The following LRRC4C variants were observed in gnomAD, a reference collection of about 807,000 sequenced individuals.
LRRC4C encodes the protein leucine rich repeat containing 4C, also known as leucine-rich repeat-containing protein 4C.
LRRC4C carries 5 observed loss-of-function variants against 33.6 expected under a neutral mutation model. The observed-to-expected ratio is 0.15, with a 90% confidence interval of 0.08 to 0.31. The LOEUF (loss-of-function observed/expected upper bound fraction) is 0.31. Among genes scored for constraint, LRRC4C ranks in the 10% least tolerant of loss-of-function variants. LRRC4C has a pLI of 1.00. For synonymous variants in LRRC4C, 329 were observed against 302.0 expected (o/e 1.09, Z -0.93); for missense variants, 560 against 796.7 (o/e 0.70, Z 3.58).
In LRRC4C at chr11:40,602,200, A is replaced by G. The variant is rs1395517780; in HGVS notation, c.-270+45942T>C. 5.0e-5 allele frequency among the ~76,000 whole-genome samples: 6 copies of G among 121,078 alleles called. No homozygotes were observed. The East Asian group carries it at 1.2e-3, about 25-fold the overall frequency. 79.4% of individuals were successfully genotyped at this position (121,078 alleles called of 152,430 possible). The stretch of plus-strand genomic sequence containing the variant: ...CAGAGTGAGAATCTGTCTCAAAAAA[A>G]AAAAAAAAAAGAAAAAAAAAGAGGT... On this transcript the variant is annotated intron_variant, in intron 3 of 6. Coordinates refer to ENST00000528697, the MANE Select transcript of LRRC4C (RefSeq NM_001258419.2).
chr11:40,762,475 C>A (rs1262635447), intron 2 of LRRC4C, among the ~76,000 whole-genome samples: 1 of 152,018 alleles, frequency 6.6e-6, no homozygotes, highest in East Asian at 1.9e-4. Flanking sequence ...AGTGTGATAG[C>A]CATGATGTAA....
intron 1 of LRRC4C, among the ~76,000 whole-genome samples, chr11:41,334,355 A>G (rs552494832): frequency 2.0e-5 from 3 of 152,096 alleles, no homozygotes; most frequent in African/African-American, 7.2e-5. Flanking sequence ...TTTCATTCCC[A>G]CACTTGTTTC....
At chr11:40,200,846 C>A (rs995267433) in intron 5 of LRRC4C, among the ~76,000 whole-genome samples, 5 of 149,918 alleles carry the variant, frequency 3.3e-5, no homozygotes, top group Non-Finnish European at 7.4e-5. Context: ...TTTTGATAAG[C>A]CTGAATCAAC....
chr11:40,504,345 C>G (rs1382251351), intron 3 of LRRC4C, among the ~76,000 whole-genome samples: 1 of 151,980 alleles, frequency 6.6e-6, no homozygotes, highest in South Asian at 2.1e-4. Context: ...GTGAAGTATA[C>G]TATGGGGAGT....
chr11:41,334,181 C>T (rs1387781912), intron 1 of LRRC4C, among the ~76,000 whole-genome samples: 1 of 152,178 alleles, frequency 6.6e-6, no homozygotes, highest in East Asian at 1.9e-4. Context: ...TGTTTTTGCT[C>T]ATTTCATAGC....
chr11:41,355,014 T>A (rs1382555378), intron 1 of LRRC4C, among the ~76,000 whole-genome samples: 2 of 151,888 alleles, frequency 1.3e-5, no homozygotes, highest in African/African-American at 2.4e-5. Context: ...TAATTAAAGA[T>A]CTTCAGCTCA....
intron 1 of LRRC4C, among the ~76,000 whole-genome samples, chr11:41,109,029 T>C (rs1565391643): frequency 6.6e-6 from 1 of 152,096 alleles, no homozygotes; most frequent in African/African-American, 2.4e-5. Flanking sequence ...ATGTGACATT[T>C]TCCATTCTAT....
At chr11:40,237,596 AT>A (rs1385070774) in intron 5 of LRRC4C, among the ~76,000 whole-genome samples, 2 of 152,210 alleles carry the variant, frequency 1.3e-5, no homozygotes, top group Admixed American at 6.5e-5. Flanking sequence ...TAATTTCCTC[AT>A]TCCCTTTCTC....
At chr11:40,339,744 C>T (rs576165255) in intron 3 of LRRC4C, among the ~76,000 whole-genome samples, 4 of 151,994 alleles carry the variant, frequency 2.6e-5, no homozygotes, top group Non-Finnish European at 4.4e-5. Context: ...TAGTATTGAA[C>T]CTGTTTTAGG....
chr11:41,179,586 C>G (rs1945355703), intron 1 of LRRC4C, among the ~76,000 whole-genome samples: 1 of 152,204 alleles, frequency 6.6e-6, no homozygotes, highest in South Asian at 2.1e-4. Context: ...CTCACATTCA[C>G]CAAAATCTGA....
chr11:41,076,590 G>A (rs972035921), intron 1 of LRRC4C, among the ~76,000 whole-genome samples: 5 of 152,154 alleles, frequency 3.3e-5, no homozygotes, highest in Non-Finnish European at 7.3e-5. Context: ...GTATGATCCA[G>A]TCACTCCCTA....
rs144642859 is a variant in LRRC4C, at chr11:41,178,908, G to A, written c.-495-245185C>T. On this transcript the variant is annotated intron_variant, in intron 1 of 6. Coordinates refer to ENST00000528697, the MANE Select transcript of LRRC4C (RefSeq NM_001258419.2). ...AGTAGAGACAGGGTTTCACCATCTTGGCCAGGCTGGCCTTGAAATCCTGAC... is the reference window on the plus strand; with the variant it reads ...AGTAGAGACAGGGTTTCACCATCTTAGCCAGGCTGGCCTTGAAATCCTGAC... 7.0e-3 allele frequency among the ~76,000 whole-genome samples: 1,061 copies of A among 152,104 alleles called. 9 individuals carry two copies. Among genetic ancestry groups the A allele is most frequent in the African/African-American group, 0.024 (992 of 41,504 alleles).
chr11:40,944,588 C>CA (rs1290419199), intron 1 of LRRC4C, among the ~76,000 whole-genome samples: 1 of 152,172 alleles, frequency 6.6e-6, no homozygotes, highest in African/African-American at 2.4e-5. Context: ...GATTCAGTGA[C>CA]ATGGGTTCTT....
At chr11:41,282,323 G>A (rs1364712402) in intron 1 of LRRC4C, among the ~76,000 whole-genome samples, 1 of 152,216 alleles carries the variant, frequency 6.6e-6, no homozygotes, top group African/African-American at 2.4e-5. Flanking sequence ...AGTGAAGGCA[G>A]GCGATTGAGA....
At chr11:41,016,059 C>T (rs1228766477) in intron 1 of LRRC4C, among the ~76,000 whole-genome samples, 1 of 151,464 alleles carries the variant, frequency 6.6e-6, no homozygotes, top group Non-Finnish European at 1.5e-5. Flanking sequence ...CAAACTCAAT[C>T]TATATTTTCA....
At chr11:40,510,111 T>C (rs1016832684) in intron 3 of LRRC4C, among the ~76,000 whole-genome samples, 6 of 151,814 alleles carry the variant, frequency 4.0e-5, no homozygotes, top group Middle Eastern at 3.4e-3. Flanking sequence ...ATTACTTACA[T>C]GACAAAAGCT....
chr11:40,338,628 T>C (rs11035786), intron 3 of LRRC4C, among the ~76,000 whole-genome samples: 43,947 of 152,062 alleles, frequency 0.29, 6,906 homozygotes, highest in Non-Finnish European at 0.34. Context: ...ATCTCGTTCC[T>C]CAGAAAAACT....
chr11:41,340,571 G>A (rs1037162), intron 1 of LRRC4C, among the ~76,000 whole-genome samples: 63,719 of 151,882 alleles, frequency 0.42, 14,087 homozygotes, highest in Non-Finnish European at 0.49. Context: ...ATGAGGAAGT[G>A]GTGGGCTATA....
chr11:40,674,166 A>G (rs2136289640), intron 2 of LRRC4C, among the ~76,000 whole-genome samples: 1 of 152,322 alleles, frequency 6.6e-6, no homozygotes, highest in South Asian at 2.1e-4. Flanking sequence ...GAATATCTAT[A>G]AAATTGGCTT....
Sources: allele counts gnomAD v4.1 joint callset (sites outside exome capture counted in the v4.1 genomes callset), GRCh38; gene constraint gnomAD v4.1.1; transcripts MANE v1.5; gene names NCBI Gene and HGNC (gene_info 2026-07-23, HGNC 2026-07-21).